The following PGM3 variants were observed in gnomAD, a reference collection of about 807,000 sequenced individuals.
The protein encoded by PGM3 is phosphoacetylglucosamine mutase.
PGM3 carries 40 observed loss-of-function variants against 66.2 expected under a neutral mutation model. The observed-to-expected ratio is 0.60, with a 90% CI of 0.47 to 0.79. The LOEUF is 0.79. PGM3 is among the 30% of genes least tolerant of loss of function. PGM3 has a pLI of 0.00. For missense variants in PGM3, 537 were observed against 643.4 expected, an observed-to-expected ratio of 0.83 and a Z score of 1.79; for synonymous variants, 191 against 224.2, an observed-to-expected ratio of 0.85 and a Z score of 1.32.
Position 83,170,478 on chromosome 6 carries a change from C to T in PGM3, c.1366G>A (p.Val456Ile). The T allele has an allele frequency of 1.2e-6, 2 of 1,613,154 alleles. No individual in the cohort carries two copies. Among genetic ancestry groups the T allele is most frequent in the Non-Finnish European group, 1.7e-6 (2 of 1,179,200 alleles). ...DLPNRQLKVQ[V>I]ADRRVISTTD... ...GTGCTAATAACTCTCCTGTCTGCAACCTAAGTGCAAGCATTTCATATTTGT... is the reference window on the plus strand; with the variant it reads ...GTGCTAATAACTCTCCTGTCTGCAATCTAAGTGCAAGCATTTCATATTTGT... Residue 456 changes from valine to isoleucine, a missense_variant and splice_region_variant, in exon 12 of 13, where the codon GTT becomes ATT. By Grantham distance (29) the Val-to-Ile change is conservative. Coordinates refer to ENST00000513973, the MANE Select transcript of PGM3 (RefSeq NM_015599.3).
At position 83,166,821 on chromosome 6, in the gene PGM3, G is replaced by A; in HGVS notation, c.*2413C>T. On this transcript the variant is annotated 3_prime_UTR_variant, in exon 13 of 13. Transcript: ENST00000513973. ...TTAAATTATTAGGTAAACAATGAAAGTTTCTGAGCAACATCTGATCTTAGA... is the reference window on the plus strand; with the variant it reads ...TTAAATTATTAGGTAAACAATGAAAATTTCTGAGCAACATCTGATCTTAGA... 1 of 1,012,714 alleles carries A rather than the reference G, an allele frequency of 9.9e-7. No individual in the cohort carries two copies. The allele number at this position is 1,012,714 out of a possible 1,614,324, so 62.7% of individuals were successfully genotyped here.
At chr6:83,157,343 G>T (rs1331022655), downstream of PGM3, 9 of 1,607,004 alleles carry the variant, frequency 5.6e-6, no homozygotes, top group East Asian at 2.2e-5. Flanking sequence ...ATTCAGTCAG[G>T]TTATAAATCT....
Position 83,174,425 on chromosome 6 carries a change from C to G in PGM3, c.1191G>C (p.Lys397Asn). The G allele has an allele frequency of 6.2e-7, 1 of 1,609,716 alleles. No homozygotes were observed. The highest frequency in any genetic ancestry group is 1.1e-5 in the South Asian group (1 of 90,510). The change falls in exon 10 of 13, where the codon AAG becomes AAC. Residue 397 changes from lysine to asparagine, a missense_variant. Physicochemically the swap from Lys to Asn is moderately conservative, Grantham distance 94 (BLOSUM62 0). Coordinates refer to ENST00000513973, the MANE Select transcript of PGM3 (RefSeq NM_015599.3). ...CAAGCATCTTAGCAGCTTTTCTTTT[C>G]TTATCTTCCAGTTGTTCTGCTGATT... Reference protein sequence around the residue: ...IKQSAEQLEDKKRKAAKMLEN... With the variant: ...IKQSAEQLEDNKRKAAKMLEN...
chr6:83,150,135 G>A, the PGM3 span, among the ~76,000 whole-genome samples: 1 of 152,316 alleles, frequency 6.6e-6, no homozygotes, highest in South Asian at 2.1e-4. Flanking sequence ...AGCACTTTGG[G>A]ATGCTGAAGC....
In PGM3 at chr6:83,178,554, C is replaced by A. The variant is rs2128493563; in HGVS notation, c.1029+119G>T. Reference sequence around the variant, plus strand: ...TCTTATTTATTTCTCTTTACCTTTACATGAACAGCAGCTCAGCTTCATGCA... The same window carrying A: ...TCTTATTTATTTCTCTTTACCTTTAAATGAACAGCAGCTCAGCTTCATGCA... On this transcript the variant is annotated intron_variant, in intron 8 of 12. Transcript: ENST00000513973. 3 of 686,716 alleles carry A rather than the reference C, an allele frequency of 4.4e-6. No homozygotes were observed. In the South Asian group the frequency reaches 4.9e-5, roughly 11 times the overall value. The allele number at this position is 686,716 out of a possible 1,614,324, so 42.5% of individuals were successfully genotyped here. A position where few individuals can be genotyped will look rare whatever the true frequency, so the allele number is the denominator to read the frequency against.
chr6:83,179,244 A>G (rs1023560360), intron 7 of PGM3, among the ~76,000 whole-genome samples: 1 of 151,346 alleles, frequency 6.6e-6, no homozygotes, highest in Non-Finnish European at 1.5e-5. Flanking sequence ...CCAGGGAGGC[A>G]GAGGTTGCAA....
At chr6:83,172,631 C>T (rs1467006012) in intron 10 of PGM3, among the ~76,000 whole-genome samples, 2 of 152,122 alleles carry the variant, frequency 1.3e-5, no homozygotes, top group Non-Finnish European at 2.9e-5. Context: ...TGCACTCCAG[C>T]GTGGGCAACA....
chr6:83,172,397 A>G (rs1382349180), intron 10 of PGM3, among the ~76,000 whole-genome samples: 3 of 152,168 alleles, frequency 2.0e-5, no homozygotes, highest in Non-Finnish European at 4.4e-5. Context: ...TGGGCAACAT[A>G]GCAAGACCTT....
intron 2 of PGM3, 97 bp from the exon 3 acceptor site, chr6:83,188,895 G>T: frequency 2.2e-6 from 2 of 921,626 alleles, no homozygotes; most frequent in South Asian, 1.6e-5. Context: ...CAAAGACAGT[G>T]ATGGCTGAGC....
chr6:83,168,291 T>G lies in PGM3; in HGVS notation c.*943A>C, dbSNP rs543973648. The G allele has an allele frequency of 7.0e-7, 1 of 1,433,018 alleles. No individual in the cohort carries two copies. Among genetic ancestry groups the G allele is most frequent in the African/African-American group, 1.4e-5 (1 of 69,760 alleles). 88.8% of individuals were successfully genotyped at this position (1,433,018 alleles called of 1,614,324 possible). On this transcript the variant is annotated 3_prime_UTR_variant, in exon 13 of 13. Transcript: ENST00000513973. ...AGAACACATTTCAGATTGTATTTAATTTAAATATTTGTATATAAGAGCAAA... is the reference window on the plus strand; with the variant it reads ...AGAACACATTTCAGATTGTATTTAAGTTAAATATTTGTATATAAGAGCAAA...
Position 83,167,617 on chromosome 6 carries a change from C to A in PGM3, c.*1617G>T. ...TCCTGTTCAAAGCTATTTCTGTTAA[C>A]TAAGCTTATCTGCGCATTCTAGTTG... On this transcript the variant is annotated 3_prime_UTR_variant, in exon 13 of 13. Transcript: ENST00000513973. 1.7e-6 allele frequency: 2 copies of A among 1,195,372 alleles called. No homozygotes were observed. The highest frequency in any genetic ancestry group is 2.1e-6 in the Non-Finnish European group (2 of 965,002). The allele number at this position is 1,195,372 out of a possible 1,614,324, so 74.0% of individuals were successfully genotyped here. A position where few individuals can be genotyped will look rare whatever the true frequency, so the allele number is the denominator to read the frequency against.
downstream of PGM3, chr6:83,164,594 G>T (rs975831014): frequency 3.3e-5 from 48 of 1,447,882 alleles, no homozygotes; most frequent in Non-Finnish European, 4.6e-5. Context: ...CTTAAACAAG[G>T]TCTTCATGGC....
At chr6:83,190,026 A>G (rs1267271803) in intron 2 of PGM3, among the ~76,000 whole-genome samples, 1 of 152,228 alleles carries the variant, frequency 6.6e-6, no homozygotes, top group Non-Finnish European at 1.5e-5. Flanking sequence ...ACTTGCAGTT[A>G]TAAGATGAAT....
At chr6:83,178,868 A>T in intron 7 of PGM3, 112 bp from the exon 8 acceptor site, 1 of 689,810 alleles carries the variant, frequency 1.4e-6, no homozygotes, top group Admixed American at 2.5e-5. Flanking sequence ...GTTGTGCCTT[A>T]GTTTATGCCA....
downstream of PGM3, chr6:83,159,859 T>G: frequency 6.2e-7 from 1 of 1,614,150 alleles, no homozygotes; most frequent in African/African-American, 1.3e-5. Flanking sequence ...GCTTCTCTAC[T>G]TCATATAACA....
downstream of PGM3, chr6:83,157,434 C>A: frequency 1.9e-6 from 2 of 1,074,740 alleles, no homozygotes; most frequent in Non-Finnish European, 2.8e-6. Context: ...GTAGTTAAAC[C>A]AGTTACTGAT....
chr6:83,182,830 C>A lies in PGM3; in HGVS notation c.591+15G>T. The A allele has an allele frequency of 6.2e-7, 1 of 1,610,976 alleles. No individual in the cohort carries two copies. Among genetic ancestry groups the A allele is most frequent in the South Asian group, 1.1e-5 (1 of 90,698 alleles). On this transcript the variant is annotated intron_variant, in intron 5 of 12. Transcript: ENST00000513973. ...TCATTTGTTTAACTTTAACCATGTT[C>A]AATAAACTTTTCACCTGTTTGGTGA...
chr6:83,148,763 C>A, the PGM3 span: 1 of 1,546,318 alleles, frequency 6.5e-7, no homozygotes, highest in Non-Finnish European at 8.7e-7. Context: ...TTGCAGAATT[C>A]CAGTGCCCAA....
rs1272208364 is a variant in PGM3, at chr6:83,166,448, GTC to G, written c.*2784_*2785del. The G allele has an allele frequency of 1.1e-5, 8 of 701,594 alleles. No individual in the cohort carries two copies. The South Asian group carries it at 1.2e-4, about 10-fold the overall frequency. 43.5% of individuals were successfully genotyped at this position (701,594 alleles called of 1,614,324 possible). On this transcript the variant is annotated 3_prime_UTR_variant, in exon 13 of 13. Coordinates refer to ENST00000513973, the MANE Select transcript of PGM3 (RefSeq NM_015599.3). ...AAATGCATTGTTGATGTTGTGTGTTGTCTCTGCTGCTTTATAACCTATTTTGA... is the reference window on the plus strand; with the variant it reads ...AAATGCATTGTTGATGTTGTGTGTTGTCTGCTGCTTTATAACCTATTTTGA...
Sources: gnomAD v4.1 joint callset for allele counts (sites outside exome capture counted in the v4.1 genomes callset) on GRCh38, gnomAD v4.1.1 for gene constraint, MANE v1.5 for transcripts, NCBI Gene and HGNC (gene_info 2026-07-23, HGNC 2026-07-21) for gene names.